SLC5A8: variants seen among roughly 807,000 people sequenced by gnomAD.
SLC5A8 encodes the protein sodium-coupled monocarboxylate transporter 1.
SLC5A8 carries 55 observed loss-of-function variants against 71.9 expected under a neutral mutation model. The observed-to-expected ratio is 0.77, with a 90% CI of 0.62 to 0.96. SLC5A8 has a LOEUF of 0.96. Ranked by LOEUF, SLC5A8 falls within the 40% of genes least tolerant of loss-of-function variation. SLC5A8 has a pLI of 0.00. For synonymous variants in SLC5A8, 307 were observed against 276.1 expected, an observed-to-expected ratio of 1.11 and a Z score of -1.11; for missense variants, 701 against 745.3, an observed-to-expected ratio of 0.94 and a Z score of 0.69.
intron 1 of SLC5A8, among the ~76,000 whole-genome samples, chr12:101,208,325 G>A (rs7296340): frequency 0.36 from 55,089 of 151,950 alleles, 11,439 homozygotes; most frequent in East Asian, 0.58. Context: ...TTGTTGTGCC[G>A]TTAAGGCCCT....
rs1332850142 is a variant in SLC5A8, at chr12:101,166,567, T to C, written c.1453A>G (p.Asn485Asp). 4 of 1,614,056 alleles carry C rather than the reference T, an allele frequency of 2.5e-6. No homozygotes were observed. The highest frequency in any genetic ancestry group is 3.4e-6 in the Non-Finnish European group (4 of 1,179,954). ...GTGGTTGTCATCAAATTTGTCTCAT[T>C]GTAGGTGCTGTTACAGCCTTGGATA... is the stretch of plus-strand genomic sequence containing the variant. ...LDIQGCNSTYNETNLMTTTEM... is the reference protein window; with the variant it reads ...LDIQGCNSTYDETNLMTTTEM... Residue 485 changes from asparagine to aspartate, a missense_variant, in exon 12 of 15, where the codon AAT (asparagine) becomes GAT (aspartate). By Grantham distance (23) the Asn-to-Asp change is conservative (BLOSUM62 1). Coordinates refer to ENST00000536262, the MANE Select transcript of SLC5A8 (RefSeq NM_145913.5).
At position 101,184,216 on chromosome 12, in the gene SLC5A8, G is replaced by A. The variant is rs771830955; in HGVS notation, c.970C>T (p.Pro324Ser). 2 of 1,613,444 alleles carry A rather than the reference G, an allele frequency of 1.2e-6. No homozygotes were observed. The highest frequency in any genetic ancestry group is 3.3e-5 in the Admixed American group (2 of 59,902). ...KKVSAPDQLM[P>S]YLVLDILQDY... The stretch of plus-strand genomic sequence containing the variant: ...TGCAGAATGTCCAGTACCAAATAAG[G>A]CATGAGCTGAAAAATTCCAAAATTT... Residue 324 changes from proline (P) to serine (S), a missense_variant, in exon 8 of 15, where the codon CCT becomes TCT. Physicochemically the swap from Pro to Ser is moderately conservative, Grantham distance 74. Transcript: ENST00000536262.
At chr12:101,172,554 GAGA>G (rs1373809474) in intron 10 of SLC5A8, among the ~76,000 whole-genome samples, 3 of 152,170 alleles carry the variant, frequency 2.0e-5, no homozygotes, top group Admixed American at 2.0e-4. Flanking sequence ...TGAGGGGTGT[GAGA>G]AGGCCAGGGA....
chr12:101,169,276 G>A (rs1002229636), intron 10 of SLC5A8, among the ~76,000 whole-genome samples: 7 of 152,194 alleles, frequency 4.6e-5, no homozygotes, highest in Admixed American at 2.6e-4. Context: ...TAGAGATGAA[G>A]CAAGGATGAA....
At chr12:101,194,938 C>T (rs372501491) in intron 4 of SLC5A8, among the ~76,000 whole-genome samples, 157 bp downstream of exon 4, 220 of 152,236 alleles carry the variant, frequency 1.4e-3, no homozygotes, top group African/African-American at 5.0e-3. Context: ...TCAAATTATA[C>T]TACAGATTAT....
rs548168227 is a variant in SLC5A8 at position 101,196,428 on chromosome 12, C to G, written c.470-1266G>C. On this transcript the variant is annotated intron_variant, in intron 3 of 14. Coordinates refer to ENST00000536262, the MANE Select transcript of SLC5A8 (RefSeq NM_145913.5). ...GATAAATCAAAGCCAAAAAATTACT[C>G]CTAGGAGAGGGAGAAAACAGGGTAG... 2.4e-4 allele frequency among the ~76,000 whole-genome samples: 37 copies of G among 152,106 alleles called. No homozygotes were observed. The South Asian group carries it at 7.7e-3, about 32-fold the overall frequency.
intron 1 of SLC5A8, among the ~76,000 whole-genome samples, chr12:101,208,254 C>T (rs1304674163): frequency 6.6e-6 from 1 of 152,132 alleles, no homozygotes; most frequent in Non-Finnish European, 1.5e-5. Flanking sequence ...GGCAATGCTG[C>T]CCAGGGGTGC....
chr12:101,176,786 T>C (rs2051883609), intron 10 of SLC5A8, among the ~76,000 whole-genome samples: 1 of 151,860 alleles, frequency 6.6e-6, no homozygotes, highest in South Asian at 2.1e-4. Flanking sequence ...ACAGCTAAAC[T>C]GGTGCCAAGA....
chr12:101,162,117 G>A, intron 12 of SLC5A8, 40 bp from the exon 13 acceptor site: 1 of 1,357,914 alleles, frequency 7.4e-7, no homozygotes, highest in Non-Finnish European at 1.1e-6. Context: ...TTCATGTAAT[G>A]CCACTAGCAA....
chr12:101,193,262 T>C (rs1478680347), intron 5 of SLC5A8, among the ~76,000 whole-genome samples: 1 of 152,182 alleles, frequency 6.6e-6, no homozygotes, highest in Non-Finnish European at 1.5e-5. Context: ...TGTGAGCCAC[T>C]GTGCCTGGCC....
intron 2 of SLC5A8, 34 bp from the exon 3 acceptor site, chr12:101,202,249 TG>T: frequency 6.7e-7 from 1 of 1,501,822 alleles, no homozygotes; most frequent in Non-Finnish European, 8.9e-7. Flanking sequence ...ATGAATTATA[TG>T]AATTATAAAA....
At chr12:101,208,071 T>G (rs1869747271) in intron 1 of SLC5A8, among the ~76,000 whole-genome samples, 1 of 152,106 alleles carries the variant, frequency 6.6e-6, no homozygotes, top group Admixed American at 6.5e-5. Flanking sequence ...TGAAATTATA[T>G]TTTATTTCTT....
chr12:101,168,314 C>T (rs2051793494), intron 10 of SLC5A8, 132 bp from the exon 11 acceptor site: 1 of 806,260 alleles, frequency 1.2e-6, no homozygotes, highest in South Asian at 1.9e-5. Context: ...GTCATGATAG[C>T]CTTATCACTG....
chr12:101,161,037 A>T (rs1159388868), intron 13 of SLC5A8, among the ~76,000 whole-genome samples: 1 of 152,244 alleles, frequency 6.6e-6, no homozygotes, highest in Non-Finnish European at 1.5e-5. Context: ...TGGGACACAC[A>T]CAAAGTGTCA....
chr12:101,187,589 A>G, intron 6 of SLC5A8, 74 bp from the exon 7 acceptor site: 1 of 1,463,794 alleles, frequency 6.8e-7, no homozygotes, highest in South Asian at 1.4e-5. Context: ...CTGTTACATG[A>G]TCAAAAGAGA....
At chr12:101,184,273 T>TA (rs781452937) in intron 7 of SLC5A8, 51 bp from the exon 8 acceptor site, 3 of 1,384,646 alleles carry the variant, frequency 2.2e-6, no homozygotes, top group Admixed American at 1.7e-5. Context: ...TGAATAAAAT[T>TA]AATGAATGCC....
In SLC5A8 at chr12:101,200,009, C is replaced by CAAA. The variant is rs1182463470; in HGVS notation, c.469+2152_469+2154dup. On this transcript the variant is annotated intron_variant, in intron 3 of 14. Coordinates refer to ENST00000536262, the MANE Select transcript of SLC5A8 (RefSeq NM_145913.5). ...GAGGCATAAAATGAAGTACTACCAG[C>CAAA]AAAAAAAAAAAAAAAAAAAAAAAAA... 2.0e-3 allele frequency among the ~76,000 whole-genome samples: 19 copies of CAAA among 9,636 alleles called. 3 individuals are homozygous for CAAA. The highest frequency in any genetic ancestry group is 2.9e-3 in the Admixed American group (2 of 700). The allele number at this position is 9,636 out of a possible 152,430, so 6.3% of individuals were successfully genotyped here. A position where few individuals can be genotyped will look rare whatever the true frequency, so the allele number is the denominator to read the frequency against.
At chr12:101,182,281 A>G (rs533620716) in intron 9 of SLC5A8, among the ~76,000 whole-genome samples, 25 of 152,298 alleles carry the variant, frequency 1.6e-4, no homozygotes, top group African/African-American at 5.8e-4. Context: ...TTTATCTTCA[A>G]TTCATCTAAT....
chr12:101,166,760 A>C (rs1566307196), intron 11 of SLC5A8, 61 bp from the exon 12 acceptor site: 1 of 1,453,870 alleles, frequency 6.9e-7, no homozygotes, highest in East Asian at 2.4e-5. Flanking sequence ...GTCAAAATTA[A>C]TATTAGAAAG....
Sources: allele counts gnomAD v4.1 joint callset (sites outside exome capture counted in the v4.1 genomes callset), GRCh38; gene constraint gnomAD v4.1.1; transcripts MANE v1.5; gene names NCBI Gene and HGNC (gene_info 2026-07-23, HGNC 2026-07-21).